Variants in RYR2 observed in about 807,000 individuals in gnomAD.
RYR2 encodes the protein ryanodine receptor 2.
A neutral mutation model predicts 601.1 loss-of-function variants in RYR2; 227 were observed. That is an observed-to-expected ratio of 0.38 (90% confidence interval 0.34 to 0.42). RYR2 has a LOEUF of 0.42. Ranked by LOEUF, RYR2 falls within the 10% of genes least tolerant of loss-of-function variation. The probability of loss-of-function intolerance (pLI) is 1.00; values close to 1 mark genes in which losing one functional copy is unlikely to be tolerated. For missense variants in RYR2, 4,646 were observed against 6,156.5 expected (o/e 0.75, Z 8.21); for synonymous variants, 2,223 against 2,175.1 (o/e 1.02, Z -0.61).
intron 91 of RYR2, among the ~76,000 whole-genome samples, chr1:237,787,418 T>A (rs1657728322): frequency 6.6e-6 from 1 of 151,538 alleles, no homozygotes; most frequent in South Asian, 2.1e-4. Flanking sequence ...CGAAACCCCA[T>A]CTCTACTAAA....
intron 58 of RYR2, among the ~76,000 whole-genome samples, chr1:237,672,951 G>A (rs567398498): frequency 2.6e-5 from 4 of 152,266 alleles, no homozygotes; most frequent in African/African-American, 7.2e-5. Context: ...GCGATTGCAT[G>A]TCTGTAGATG....
chr1:237,314,627 G>C (rs548327998), intron 2 of RYR2, among the ~76,000 whole-genome samples: 15 of 152,256 alleles, frequency 9.9e-5, no homozygotes, highest in Admixed American at 3.9e-4. Context: ...CAGGTGCATC[G>C]TAAATTGAAG....
rs764245031 is a variant in RYR2, at chr1:237,454,451, C to T, written c.1353C>T (p.Ser451=). The stretch of plus-strand genomic sequence containing the variant: ...CCACAGTCGATTTGCCTATAGAGTC[C>T]GTAAGCCTAAGTCTGCAGGATCTCA... ...KASTVDLPIE[S]VSLSLQDLIG... Residue 451 remains serine (S), a synonymous_variant, in exon 15 of 105, where the codon TCC becomes TCT. Coordinates refer to ENST00000366574, the MANE Select transcript of RYR2 (RefSeq NM_001035.3). 46 of 1,613,400 alleles carry T rather than the reference C, an allele frequency of 2.9e-5. No homozygotes were observed. The highest frequency in any genetic ancestry group is 1.6e-4 in the South Asian group (15 of 91,056).
intron 79 of RYR2, among the ~76,000 whole-genome samples, chr1:237,739,460 T>C (rs1213732228): frequency 6.6e-6 from 1 of 152,172 alleles, no homozygotes; most frequent in East Asian, 1.9e-4. Flanking sequence ...GTTTTACCAA[T>C]TTGAATAAGG....
chr1:237,679,988 A>C (rs1685726899), intron 61 of RYR2, among the ~76,000 whole-genome samples: 2 of 152,186 alleles, frequency 1.3e-5, no homozygotes. Flanking sequence ...AATATTGTGT[A>C]GGCAACTAAG....
intron 1 of RYR2, among the ~76,000 whole-genome samples, chr1:237,257,544 A>G (rs549396307): frequency 6.6e-6 from 1 of 152,316 alleles, no homozygotes; most frequent in South Asian, 2.1e-4. Context: ...TATAGAAAGT[A>G]TCATTCATTC....
intron 21 of RYR2, 67 bp downstream of exon 21, chr1:237,500,970 C>A: frequency 7.2e-7 from 1 of 1,396,376 alleles, no homozygotes; most frequent in Non-Finnish European, 1.0e-6. Context: ...GAAGACTCTG[C>A]ACTGCCATTG....
At chr1:237,405,767 T>G (rs898188305) in intron 10 of RYR2, among the ~76,000 whole-genome samples, 6 of 151,996 alleles carry the variant, frequency 3.9e-5, no homozygotes, top group African/African-American at 1.4e-4. Flanking sequence ...ATTTTAAGGG[T>G]GCACCTTCCT....
intron 84 of RYR2, among the ~76,000 whole-genome samples, chr1:237,766,681 C>A (rs909976065): frequency 1.3e-5 from 2 of 152,126 alleles, no homozygotes; most frequent in Non-Finnish European, 2.9e-5. Flanking sequence ...AGCTGAGAAG[C>A]TTAGGCTTTG....
chr1:237,461,040 T>C (rs1358937130), intron 16 of RYR2, among the ~76,000 whole-genome samples: 2 of 152,214 alleles, frequency 1.3e-5, no homozygotes. Flanking sequence ...TTAGATTTGT[T>C]GGATATAGCA....
At chr1:237,121,645 G>A (rs2485568) in intron 1 of RYR2, among the ~76,000 whole-genome samples, 87,091 of 151,902 alleles carry the variant, frequency 0.57, 25,100 homozygotes, top group South Asian at 0.71. Context: ...GCAGAGATCC[G>A]AATTCTAGTA....
intron 1 of RYR2, among the ~76,000 whole-genome samples, chr1:237,233,226 T>C (rs1685177491): frequency 6.6e-6 from 1 of 152,210 alleles, no homozygotes; most frequent in South Asian, 2.1e-4. Context: ...AATTAGTGTT[T>C]GGTAAGTATC....
intron 49 of RYR2, 70 bp downstream of exon 49, chr1:237,648,683 T>TA (rs1682420727): frequency 6.9e-7 from 1 of 1,456,414 alleles, no homozygotes; most frequent in South Asian, 1.4e-5. Context: ...TTCTTTTTTA[T>TA]ATATCCATTC....
intron 27 of RYR2, among the ~76,000 whole-genome samples, chr1:237,560,800 T>G (rs538153884): frequency 6.6e-6 from 1 of 152,320 alleles, no homozygotes; most frequent in South Asian, 2.1e-4. Context: ...CAATAAAGAT[T>G]AAAAATTGCT....
At chr1:237,292,285 G>A (rs1263675778) in intron 2 of RYR2, among the ~76,000 whole-genome samples, 2 of 152,134 alleles carry the variant, frequency 1.3e-5, no homozygotes, top group Non-Finnish European at 2.9e-5. Flanking sequence ...ATTGGATATA[G>A]GCAAATTGGA....
intron 1 of RYR2, among the ~76,000 whole-genome samples, chr1:237,144,906 C>T (rs1046418343): frequency 5.3e-5 from 8 of 152,164 alleles, no homozygotes; most frequent in Admixed American, 1.3e-4. Context: ...CACCCTCAGA[C>T]GTCCCCTAAC....
intron 72 of RYR2, among the ~76,000 whole-genome samples, chr1:237,717,796 G>C (rs529754032): frequency 2.0e-5 from 3 of 152,168 alleles, no homozygotes; most frequent in Non-Finnish European, 4.4e-5. Flanking sequence ...CAAGATTTAA[G>C]TTCCTCTGCA....
intron 104 of RYR2, among the ~76,000 whole-genome samples, chr1:237,832,100 A>G (rs1181342553): frequency 1.3e-5 from 2 of 152,136 alleles, no homozygotes; most frequent in Non-Finnish European, 1.5e-5. Flanking sequence ...TTCAAGTGGC[A>G]TGATCAGGAC....
chr1:237,408,984 A>G (rs1322636836), intron 10 of RYR2, among the ~76,000 whole-genome samples: 3 of 152,172 alleles, frequency 2.0e-5, no homozygotes, highest in African/African-American at 7.2e-5. Flanking sequence ...CATTGCTGGT[A>G]TAGAAGAAAT....
Sources: allele counts gnomAD v4.1 joint callset (sites outside exome capture counted in the v4.1 genomes callset), GRCh38; gene constraint gnomAD v4.1.1; transcripts MANE v1.5; gene names NCBI Gene and HGNC (gene_info 2026-07-23, HGNC 2026-07-21).